RPL31: variants seen among roughly 807,000 people sequenced by gnomAD.
RPL31 encodes ribosomal protein L31, also known as large ribosomal subunit protein eL31.
For missense variants in RPL31, 95 were observed against 164.0 expected (o/e 0.58, Z 2.30); for synonymous variants, 51 against 55.0 (o/e 0.93, Z 0.32).
At chr2:101,014,484 A>G (rs1029944006) in intron 4 of RPL31, among the ~76,000 whole-genome samples, 3 of 152,200 alleles carry the variant, frequency 2.0e-5, no homozygotes, top group Non-Finnish European at 4.4e-5. Context: ...TCATCAACAC[A>G]TCATCCCTTT....
Position 101,006,048 on chromosome 2 carries a change from A to T in RPL31, c.323A>T (p.Tyr108Phe). 1 of 1,613,870 alleles carries T rather than the reference A, an allele frequency of 6.2e-7. No homozygotes were observed. Among genetic ancestry groups the T allele is most frequent in the South Asian group, 1.1e-5 (1 of 91,044 alleles). Residue 108 changes from tyrosine (Y) to phenylalanine (F), a missense_variant, in exon 4 of 5, where the codon TAT becomes TTT. Physicochemically the swap from Tyr to Phe is conservative, Grantham distance 22. Transcript: ENST00000264258. ...AATAAGCTATATACTTTGGTTACCT[A>T]TGTACCTGTTACCACTTTCAAAAGT... ...SPNKLYTLVT[Y>F]VPVTTFKNLQ...
Position 101,007,227 on chromosome 2 carries a change from G to GTAAA in RPL31, c.*849_*852dup, listed in dbSNP as rs1033955515. 6 of 152,238 alleles carry GTAAA rather than the reference G, an allele frequency of 3.9e-5. No homozygotes were observed. The highest frequency in any genetic ancestry group is 9.7e-5 in the African/African-American group (4 of 41,396). The allele number at this position is 152,238 out of a possible 1,614,324, so 9.4% of individuals were successfully genotyped here. A position where few individuals can be genotyped will look rare whatever the true frequency, so the allele number is the denominator to read the frequency against. On this transcript the variant is annotated 3_prime_UTR_variant, in exon 5 of 5. Coordinates refer to ENST00000264258, the MANE Select transcript of RPL31 (RefSeq NM_000993.5). The stretch of plus-strand genomic sequence containing the variant: ...CTACAAGGTAAAAGAAAAGGACCAA[G>GTAAA]TAAATACAAAAAGTTTCTTATTAAA...
At chr2:101,008,416 C>T (rs760148749), downstream of RPL31, 63 of 694,640 alleles carry the variant, frequency 9.1e-5, no homozygotes, top group Non-Finnish European at 1.3e-4. Flanking sequence ...TCTGCCTTTC[C>T]ACTCTAAACT....
At chr2:101,010,835 T>A, downstream of RPL31, 2 of 1,014,510 alleles carry the variant, frequency 2.0e-6, no homozygotes, top group Non-Finnish European at 1.5e-6. Flanking sequence ...TGGGCTGAGA[T>A]CGCGCCACTG....
intron 4 of RPL31, among the ~76,000 whole-genome samples, chr2:101,015,301 T>G (rs1679542741): frequency 6.6e-6 from 1 of 152,242 alleles, no homozygotes; most frequent in South Asian, 2.1e-4. Flanking sequence ...TGCAGGGCTG[T>G]GGAAGCTGTT....
downstream of RPL31, among the ~76,000 whole-genome samples, chr2:101,008,811 T>TAA (rs34291098): frequency 6.2e-4 from 91 of 145,796 alleles, no homozygotes; most frequent in Middle Eastern, 3.5e-3. Context: ...AACTTTGTCT[T>TAA]AAAAAAAAAA....
chr2:101,008,131 C>A (rs1185225997), downstream of RPL31: 1 of 1,613,908 alleles, frequency 6.2e-7, no homozygotes, highest in Non-Finnish European at 8.5e-7. Context: ...GGAGCAGCTT[C>A]CAGAGCTGCT....
intron 4 of RPL31, among the ~76,000 whole-genome samples, chr2:101,015,132 C>T (rs1679523893): frequency 6.6e-6 from 1 of 152,170 alleles, no homozygotes; most frequent in African/African-American, 2.4e-5. Flanking sequence ...AGGCTACAAA[C>T]CTGTACAGCA....
downstream of RPL31, chr2:101,010,893 A>AG: frequency 2.5e-6 from 4 of 1,578,220 alleles, no homozygotes; most frequent in Non-Finnish European, 3.4e-6. Flanking sequence ...AAAAAAAAAA[A>AG]AAAAGTTAAT....
intron 4 of RPL31, among the ~76,000 whole-genome samples, chr2:101,015,103 TATA>T: frequency 6.6e-6 from 1 of 152,342 alleles, no homozygotes; most frequent in South Asian, 2.1e-4. Context: ...ACACCTCGCC[TATA>T]AAGTCTGTTG....
intron 3 of RPL31, 179 bp downstream of exon 3, chr2:101,004,462 T>G: frequency 1.6e-6 from 1 of 631,436 alleles, no homozygotes. Flanking sequence ...CTTAATTTAG[T>G]GGCTTATGAA....
At chr2:101,019,103 G>C (rs923765077) in exon 5 of RPL31, 3 of 1,570,512 alleles carry the variant, frequency 1.9e-6, no homozygotes, top group Non-Finnish European at 2.6e-6. Context: ...CTGAGCTGCA[G>C]CAGATGCCTT....
chr2:101,006,454 G>A lies in RPL31; in HGVS notation c.*73G>A, dbSNP rs2105350925. 5 of 1,391,496 alleles carry A rather than the reference G, an allele frequency of 3.6e-6. No individual in the cohort carries two copies. In the South Asian group the frequency reaches 5.1e-5, roughly 14 times the overall value. 86.2% of individuals were successfully genotyped at this position (1,391,496 alleles called of 1,614,324 possible). On this transcript the variant is annotated 3_prime_UTR_variant, in exon 5 of 5. Coordinates refer to ENST00000264258, the MANE Select transcript of RPL31 (RefSeq NM_000993.5). Reference sequence around the variant, plus strand: ...TTGTTCTTTTTAGTTGCAACATAATGTACTTGTATACCCTATCCTAATTAT... The same window carrying A: ...TTGTTCTTTTTAGTTGCAACATAATATACTTGTATACCCTATCCTAATTAT...
At position 101,005,747 on chromosome 2, in the gene RPL31, T is replaced by C. The variant is rs191459904; in HGVS notation, c.234-212T>C. 139 of 570,442 alleles carry C rather than the reference T, an allele frequency of 2.4e-4. No homozygotes were observed. In the African/African-American group the frequency reaches 2.6e-3, roughly 10 times the overall value. The allele number at this position is 570,442 out of a possible 1,614,324, so 35.3% of individuals were successfully genotyped here. On this transcript the variant is annotated intron_variant, in intron 3 of 4. Transcript: ENST00000264258. Reference sequence around the variant, plus strand: ...GGTATCAATGGTGGCTACCTTAACATGTCTTCAAACAAGCATCCCTCCTGT... The same window carrying C: ...GGTATCAATGGTGGCTACCTTAACACGTCTTCAAACAAGCATCCCTCCTGT...
At chr2:101,005,043 A>AGGG (rs1678668197) in intron 3 of RPL31, 1 of 152,304 alleles carries the variant, frequency 6.6e-6, no homozygotes, top group Non-Finnish European at 1.5e-5. Context: ...TGAACAAGAC[A>AGGG]GGGACCTGAG....
chr2:101,018,882 A>G, intron 4 of RPL31: 1 of 1,364,082 alleles, frequency 7.3e-7, no homozygotes, highest in Non-Finnish European at 1.0e-6. Flanking sequence ...AATGGCCAAT[A>G]TCCGTAGGTT....
chr2:101,011,106 G>T, downstream of RPL31: 2 of 1,333,748 alleles, frequency 1.5e-6, no homozygotes, highest in South Asian at 1.2e-5. Flanking sequence ...TAGGAGAGAG[G>T]AGCAAGGGGG....
chr2:101,010,839 G>A (rs955705804), downstream of RPL31: 47 of 1,065,052 alleles, frequency 4.4e-5, no homozygotes, highest in African/African-American at 4.0e-4. Flanking sequence ...CTGAGATCGC[G>A]CCACTGTACT....
chr2:101,015,463 T>A (rs1171010363), intron 4 of RPL31, among the ~76,000 whole-genome samples: 2 of 152,216 alleles, frequency 1.3e-5, no homozygotes, highest in South Asian at 2.1e-4. Flanking sequence ...TTACTGTAAC[T>A]TTTTACTTTA....
Sources: gnomAD v4.1 joint callset for allele counts (sites outside exome capture counted in the v4.1 genomes callset) on GRCh38, gnomAD v4.1.1 for gene constraint, MANE v1.5 for transcripts, NCBI Gene and HGNC (gene_info 2026-07-23, HGNC 2026-07-21) for gene names.